Variants in TCF4 observed in about 807,000 individuals in gnomAD.
TCF4 encodes SL3-3 enhancer factor 2.
In TCF4, 3 loss-of-function variants were observed where a neutral mutation model predicts 82.1. The observed-to-expected ratio is 0.04, with a 90% confidence interval of 0.02 to 0.09. TCF4 has a LOEUF of 0.09. Among genes scored for constraint, TCF4 ranks in the 10% least tolerant of loss-of-function variants. The pLI is 1.00. For synonymous variants in TCF4, 276 were observed against 309.6 expected (o/e 0.89, Z 1.14); for missense variants, 518 against 852.7 (o/e 0.61, Z 4.89).
At chr18:55,389,790 G>C (rs1350659891) in intron 6 of TCF4, among the ~76,000 whole-genome samples, 4 of 152,116 alleles carry the variant, frequency 2.6e-5, no homozygotes, top group Admixed American at 6.6e-5. Context: ...GCATGTGAGG[G>C]AGAAGGTGGG....
intron 2 of TCF4, among the ~76,000 whole-genome samples, chr18:55,612,199 T>C (rs538120579): frequency 2.2e-4 from 33 of 152,288 alleles, no homozygotes; most frequent in Middle Eastern, 6.8e-3. Context: ...CCTACTGCAT[T>C]GGACAGGGCA....
chr18:55,326,401 CAAAAAAAAAAAA>C (rs59228811), intron 8 of TCF4, among the ~76,000 whole-genome samples: 8 of 26,386 alleles, frequency 3.0e-4, no homozygotes, highest in East Asian at 1.3e-3. Context: ...AGAGCAGCAG[CAAAAAAAAAAAA>C]AAAAAAAAAA....
chr18:55,410,572 C>A (rs2094302868), intron 5 of TCF4, among the ~76,000 whole-genome samples: 1 of 152,000 alleles, frequency 6.6e-6, no homozygotes, highest in Non-Finnish European at 1.5e-5. Flanking sequence ...GACGAAGTCA[C>A]TAAAATTAAG....
At chr18:55,608,329 G>T (rs771908486) in intron 2 of TCF4, among the ~76,000 whole-genome samples, 13 of 150,062 alleles carry the variant, frequency 8.7e-5, no homozygotes, top group Non-Finnish European at 1.9e-4. Flanking sequence ...GATTTATAAT[G>T]CAGGGAGAAA....
chr18:55,329,853 C>A (rs534878979), intron 8 of TCF4, among the ~76,000 whole-genome samples: 6 of 152,216 alleles, frequency 3.9e-5, no homozygotes, highest in Non-Finnish European at 8.8e-5. Flanking sequence ...CCTCTTCAGG[C>A]ATGATTATCA....
At chr18:55,359,994 C>T (rs1000477352) in intron 6 of TCF4, among the ~76,000 whole-genome samples, 1 of 152,156 alleles carries the variant, frequency 6.6e-6, no homozygotes, top group Non-Finnish European at 1.5e-5. Flanking sequence ...CCAAAGGGCC[C>T]GGTTCTAAAA....
At chr18:55,544,938 G>C (rs1201177922) in intron 3 of TCF4, among the ~76,000 whole-genome samples, 1 of 152,174 alleles carries the variant, frequency 6.6e-6, no homozygotes, top group Non-Finnish European at 1.5e-5. Context: ...TACATGAAGT[G>C]TCTACCTGTA....
At chr18:55,512,005 A>T (rs1470895553) in intron 3 of TCF4, among the ~76,000 whole-genome samples, 1 of 152,202 alleles carries the variant, frequency 6.6e-6, no homozygotes, top group Non-Finnish European at 1.5e-5. Flanking sequence ...AATAAGAATC[A>T]TGAACATGAA....
chr18:55,321,516 G>C, intron 8 of TCF4: 4 of 1,128,864 alleles, frequency 3.5e-6, no homozygotes, highest in Non-Finnish European at 5.1e-6. Context: ...GCAAGAAGAA[G>C]ATCTTAGGAT....
chr18:55,622,948 A>C (rs899016594), intron 2 of TCF4, among the ~76,000 whole-genome samples: 3 of 151,940 alleles, frequency 2.0e-5, no homozygotes, highest in Non-Finnish European at 4.4e-5. Context: ...ATCTAACCAG[A>C]CACAATGTAA....
At chr18:55,572,844 G>A (rs1386994274) in intron 3 of TCF4, among the ~76,000 whole-genome samples, 6 of 152,008 alleles carry the variant, frequency 3.9e-5, no homozygotes, top group Non-Finnish European at 7.4e-5. Flanking sequence ...ACCTGAGGTC[G>A]GGAGTTCGAG....
chr18:55,242,163 A>G (rs1200913018), intron 15 of TCF4, among the ~76,000 whole-genome samples: 1 of 152,102 alleles, frequency 6.6e-6, no homozygotes, highest in African/African-American at 2.4e-5. Flanking sequence ...GGCTGAGTGG[A>G]TCTCCAGAAA....
chr18:55,545,201 T>C (rs749648603), intron 3 of TCF4, among the ~76,000 whole-genome samples: 1 of 152,206 alleles, frequency 6.6e-6, no homozygotes, highest in Non-Finnish European at 1.5e-5. Flanking sequence ...TGACTTACAA[T>C]ATGGAATATG....
intron 1 of TCF4, among the ~76,000 whole-genome samples, chr18:55,587,645 A>G (rs1243401144): frequency 6.6e-6 from 1 of 151,764 alleles, no homozygotes; most frequent in South Asian, 2.1e-4. Context: ...TTTTCAAAGT[A>G]GCTATCAAGA....
At chr18:55,399,876 TCTCTCACACACACACACACACACACA>T (rs1391680699) in intron 6 of TCF4, among the ~76,000 whole-genome samples, 3 of 118,520 alleles carry the variant, frequency 2.5e-5, no homozygotes, top group Non-Finnish European at 5.1e-5. Flanking sequence ...TCTCTCTCTC[TCTCTCACACACACACACACACACACA>T]CACACACACA....
intron 6 of TCF4, among the ~76,000 whole-genome samples, chr18:55,374,440 T>C (rs533651252): frequency 1.3e-5 from 2 of 151,962 alleles, no homozygotes; most frequent in East Asian, 3.9e-4. Context: ...TTACAAAATA[T>C]ATTTGCTAAA....
At chr18:55,585,965 A>T in intron 2 of TCF4, 1 of 1,314,776 alleles carries the variant, frequency 7.6e-7, no homozygotes, top group South Asian at 1.6e-5. Context: ...CTAGTGGATA[A>T]TGCACACCTT....
chr18:55,367,461 T>C (rs945077034), intron 6 of TCF4, among the ~76,000 whole-genome samples: 2 of 152,242 alleles, frequency 1.3e-5, no homozygotes, highest in African/African-American at 4.8e-5. Flanking sequence ...AACATTTTCA[T>C]AGTTCAACCA....
intron 5 of TCF4, among the ~76,000 whole-genome samples, chr18:55,459,804 T>C (rs1343127421): frequency 1.3e-5 from 2 of 152,256 alleles, no homozygotes; most frequent in Non-Finnish European, 1.5e-5. Flanking sequence ...ATTTACTACT[T>C]TGAAGGCAAA....
Sources: gnomAD v4.1 joint callset for allele counts (sites outside exome capture counted in the v4.1 genomes callset) on GRCh38, gnomAD v4.1.1 for gene constraint, MANE v1.5 for transcripts, NCBI Gene and HGNC (gene_info 2026-07-23, HGNC 2026-07-21) for gene names.